The following FSTL4 variants were observed in gnomAD, a reference collection of about 807,000 sequenced individuals.
FSTL4 encodes follistatin like 4, also known as follistatin-related protein 4.
In FSTL4, 28 loss-of-function variants were observed where a neutral mutation model predicts 78.2. The observed-to-expected ratio is 0.36, with a 90% CI of 0.27 to 0.49. The LOEUF (loss-of-function observed/expected upper bound fraction) is 0.49, where lower values mean the gene tolerates loss of function less well. Ranked by LOEUF, FSTL4 falls within the 20% of genes least tolerant of loss-of-function variation. The pLI, the probability that FSTL4 is intolerant of heterozygous loss-of-function variation, is 0.98. For synonymous variants in FSTL4, 422 were observed against 440.5 expected, an observed-to-expected ratio of 0.96 and a Z score of 0.53; for missense variants, 922 against 1,084.9, an observed-to-expected ratio of 0.85 and a Z score of 2.11.
At chr5:133,398,951 G>T (rs1756145598) in intron 4 of FSTL4, among the ~76,000 whole-genome samples, 1 of 152,176 alleles carries the variant, frequency 6.6e-6, no homozygotes, top group Non-Finnish European at 1.5e-5. Context: ...CAATCAGCAT[G>T]AAGCAGAACT....
chr5:133,577,917 A>G (rs1014976758), intron 2 of FSTL4, among the ~76,000 whole-genome samples: 1 of 152,130 alleles, frequency 6.6e-6, no homozygotes, highest in African/African-American at 2.4e-5. Context: ...CAAACAAACA[A>G]ACAAAACAGT....
At chr5:133,618,865 G>C in the FSTL4 span, among the ~76,000 whole-genome samples, 3 of 152,188 alleles carry the variant, frequency 2.0e-5, no homozygotes, top group Non-Finnish European at 4.4e-5. Flanking sequence ...GGTGCCTAGA[G>C]AACCTTCTCT....
chr5:133,720,833 T>C, the FSTL4 span: 1 of 152,870 alleles, frequency 6.5e-6, no homozygotes, highest in Non-Finnish European at 1.5e-5. Context: ...TGAATGCTGC[T>C]TTAATGTAAG....
At position 133,603,900 on chromosome 5, in the gene FSTL4, G is replaced by A; in HGVS notation, c.84C>T (p.Thr28=). The A allele has an allele frequency of 5.0e-6, 8 of 1,614,080 alleles. No individual in the cohort carries two copies. Among genetic ancestry groups the A allele is most frequent in the Non-Finnish European group, 6.8e-6 (8 of 1,179,932 alleles). The change falls in exon 2 of 16, where the codon ACC becomes ACT. Residue 28 remains threonine (T), a synonymous_variant. Transcript: ENST00000265342. ...PAALGWMDPG[T]SRGPDVGVGE... is the part of the protein sequence containing the mutation. ...CCACACCCACATCCGGGCCTCTGCT[G>A]GTTCCTGGGTCCATCCATCCCAGCG...
chr5:133,826,985 C>A, the FSTL4 span, among the ~76,000 whole-genome samples: 22 of 152,236 alleles, frequency 1.4e-4, no homozygotes, highest in Non-Finnish European at 2.4e-4. Context: ...CCCCTCTCAC[C>A]ACAGAAGGCC....
At chr5:133,465,155 C>T (rs1757678997) in intron 3 of FSTL4, among the ~76,000 whole-genome samples, 1 of 152,194 alleles carries the variant, frequency 6.6e-6, no homozygotes, top group South Asian at 2.1e-4. Flanking sequence ...CTTTGCTAGT[C>T]CCTGAAAGGC....
chr5:133,256,101 AG>A (rs565187811), intron 6 of FSTL4, among the ~76,000 whole-genome samples: 1 of 152,190 alleles, frequency 6.6e-6, no homozygotes, highest in Non-Finnish European at 1.5e-5. Context: ...CCCTGTCAAA[AG>A]CTCAGTAACC....
chr5:133,743,921 G>T, the FSTL4 span, among the ~76,000 whole-genome samples: 1 of 152,216 alleles, frequency 6.6e-6, no homozygotes, highest in Non-Finnish European at 1.5e-5. Flanking sequence ...GAATCTCAGG[G>T]ACTGCTGGGA....
chr5:133,311,236 T>C (rs79127544), intron 6 of FSTL4, among the ~76,000 whole-genome samples: 9 of 152,214 alleles, frequency 5.9e-5, no homozygotes, highest in Non-Finnish European at 1.0e-4. Flanking sequence ...GGAAATAATC[T>C]CTTTGGCCCA....
In FSTL4 at chr5:133,259,675, G is replaced by T. The variant is rs780603469; in HGVS notation, c.728-10099C>A. Among the ~76,000 whole-genome samples the T allele has an allele frequency of 3.0e-4, 46 of 152,054 alleles. 1 individual carries two copies. Among genetic ancestry groups the T allele is most frequent in the Non-Finnish European group, 1.2e-4 (8 of 68,012 alleles). ...CACTCCGGCTGTTGTGCAAATAACGGACTGGTGGGAGAGAGGGAAAAAATG... is the reference window on the plus strand; with the variant it reads ...CACTCCGGCTGTTGTGCAAATAACGTACTGGTGGGAGAGAGGGAAAAAATG... On this transcript the variant is annotated intron_variant, in intron 6 of 15. Transcript: ENST00000265342.
the FSTL4 span, among the ~76,000 whole-genome samples, chr5:133,637,557 C>A: frequency 6.6e-6 from 1 of 152,036 alleles, no homozygotes; most frequent in Non-Finnish European, 1.5e-5. Flanking sequence ...AAACTTTCTC[C>A]ACTTGCTTTC....
chr5:133,371,851 A>G (rs1755312512), intron 4 of FSTL4, among the ~76,000 whole-genome samples: 1 of 152,170 alleles, frequency 6.6e-6, no homozygotes, highest in South Asian at 2.1e-4. Context: ...CCCGGGGCAG[A>G]AATTCCTCCG....
At chr5:133,449,277 C>T (rs1052028710) in intron 3 of FSTL4, among the ~76,000 whole-genome samples, 4 of 152,164 alleles carry the variant, frequency 2.6e-5, no homozygotes, top group Admixed American at 2.0e-4. Context: ...GAGATGACCC[C>T]GACACCCCTC....
chr5:133,631,303 A>G, the FSTL4 span, among the ~76,000 whole-genome samples: 1 of 81,462 alleles, frequency 1.2e-5, no homozygotes, highest in Admixed American at 1.5e-4. Flanking sequence ...CATTTACAAG[A>G]AAAAAAAAAA....
chr5:133,836,117 T>C, the FSTL4 span, among the ~76,000 whole-genome samples: 1,397 of 152,318 alleles, frequency 9.2e-3, 31 homozygotes, highest in African/African-American at 0.032. Context: ...TAGTTGAGTT[T>C]TGTTTTTATC....
At chr5:133,598,321 C>T (rs1760783543) in intron 2 of FSTL4, among the ~76,000 whole-genome samples, 1 of 151,998 alleles carries the variant, frequency 6.6e-6, no homozygotes, top group African/African-American at 2.4e-5. Context: ...AATCTTGGGA[C>T]CCACCTCAGA....
intron 1 of FSTL4, among the ~76,000 whole-genome samples, chr5:133,608,809 A>C (rs1235520965): frequency 6.6e-6 from 1 of 152,224 alleles, no homozygotes; most frequent in African/African-American, 2.4e-5. Context: ...AAAAGCATGA[A>C]ATAGGAATGC....
At chr5:133,813,018 G>T in the FSTL4 span, among the ~76,000 whole-genome samples, 1 of 152,192 alleles carries the variant, frequency 6.6e-6, no homozygotes, top group African/African-American at 2.4e-5. Context: ...TTAACATTCT[G>T]TTGATTGGCT....
chr5:133,346,494 A>G (rs1357129136), intron 4 of FSTL4, among the ~76,000 whole-genome samples: 1 of 152,248 alleles, frequency 6.6e-6, no homozygotes, highest in African/African-American at 2.4e-5. Flanking sequence ...TCTGCCAACA[A>G]TGATTCCTGA....
Sources: gnomAD v4.1 joint callset for allele counts (sites outside exome capture counted in the v4.1 genomes callset) on GRCh38, gnomAD v4.1.1 for gene constraint, MANE v1.5 for transcripts, NCBI Gene and HGNC (gene_info 2026-07-23, HGNC 2026-07-21) for gene names.